PDE11A: variants seen among roughly 807,000 people sequenced by gnomAD.
The protein encoded by PDE11A is dual 3',5'-cyclic-AMP and -GMP phosphodiesterase 11A.
Under a neutral mutation model 100.5 loss-of-function variants are expected in PDE11A, and 100 were observed. The observed-to-expected ratio is 1.00, with a 90% confidence interval of 0.85 to 1.18. The LOEUF (loss-of-function observed/expected upper bound fraction) is 1.18. Among genes scored for constraint, PDE11A ranks in the 50% most tolerant of loss-of-function variants. The probability of loss-of-function intolerance (pLI) is 0.00; values close to 1 mark genes in which losing one functional copy is unlikely to be tolerated. For synonymous variants in PDE11A, 381 were observed against 420.8 expected (o/e 0.91, Z 1.16); for missense variants, 1,141 against 1,152.6 (o/e 0.99, Z 0.15).
chr2:177,803,661 C>G (rs2105557131), intron 9 of PDE11A, among the ~76,000 whole-genome samples: 1 of 151,978 alleles, frequency 6.6e-6, no homozygotes, highest in Admixed American at 6.6e-5. Context: ...TGCAAATCAA[C>G]AAGTGTGATA....
chr2:178,046,552 G>A (rs1167688328), intron 1 of PDE11A, among the ~76,000 whole-genome samples: 3 of 152,058 alleles, frequency 2.0e-5, no homozygotes, highest in South Asian at 4.2e-4. Context: ...TTGAAGAATT[G>A]GAGTCAGAAC....
intron 2 of PDE11A, among the ~76,000 whole-genome samples, chr2:177,941,789 C>T (rs1265288259): frequency 6.6e-6 from 1 of 152,218 alleles, no homozygotes; most frequent in Non-Finnish European, 1.5e-5. Context: ...GATGCAGGGA[C>T]AGAACGTGGA....
intron 7 of PDE11A, among the ~76,000 whole-genome samples, chr2:177,818,236 A>G (rs2083075433): frequency 6.6e-6 from 1 of 151,668 alleles, no homozygotes; most frequent in South Asian, 2.1e-4. Flanking sequence ...AACTGAGTAT[A>G]TATGTAGCTG....
chr2:178,018,930 A>T (rs1179754361), intron 1 of PDE11A, among the ~76,000 whole-genome samples: 1 of 152,206 alleles, frequency 6.6e-6, no homozygotes, highest in Non-Finnish European at 1.5e-5. Flanking sequence ...TGGTGAGTTA[A>T]TGAGATTTCT....
chr2:177,698,344 T>A (rs1311310714), intron 14 of PDE11A: 1 of 66,866 alleles, frequency 1.5e-5, no homozygotes, highest in African/African-American at 2.8e-5. Flanking sequence ...AAAATATTTG[T>A]CTTTAGTAAA....
chr2:177,785,745 G>T (rs2082525783), intron 9 of PDE11A, among the ~76,000 whole-genome samples: 1 of 152,216 alleles, frequency 6.6e-6, no homozygotes, highest in Admixed American at 6.5e-5. Flanking sequence ...TCCCACACAT[G>T]GCTCGGAGGG....
At chr2:178,046,209 T>TG (rs1220696294) in intron 1 of PDE11A, among the ~76,000 whole-genome samples, 3 of 152,086 alleles carry the variant, frequency 2.0e-5, no homozygotes, top group Non-Finnish European at 4.4e-5. Flanking sequence ...TTAATTTTTT[T>TG]GGGGGGGTTG....
intron 2 of PDE11A, among the ~76,000 whole-genome samples, chr2:177,931,911 C>CAAAAAAAAAAAAAAAA (rs71410773): frequency 2.5e-5 from 2 of 80,248 alleles, no homozygotes; most frequent in African/African-American, 4.3e-5. Flanking sequence ...GCTAGATTAA[C>CAAAAAAAAAAAAAAAA]AAAAAAAAAA....
In PDE11A at chr2:177,981,020, A is replaced by G. The variant is rs906868084; in HGVS notation, c.1071+33282T>C. Among the ~76,000 whole-genome samples, 30 of 138,376 alleles carry G rather than the reference A, an allele frequency of 2.2e-4. 2 individuals are homozygous for G. The highest frequency in any genetic ancestry group is 7.0e-4 in the African/African-American group (27 of 38,446). 90.8% of individuals were successfully genotyped at this position (138,376 alleles called of 152,430 possible). A position where few individuals can be genotyped will look rare whatever the true frequency, so the allele number is the denominator to read the frequency against. On this transcript the variant is annotated intron_variant, in intron 2 of 19. Coordinates refer to ENST00000286063, the MANE Select transcript of PDE11A (RefSeq NM_016953.4). The stretch of plus-strand genomic sequence containing the variant: ...CACACACACACACACACACACACAC[A>G]GCAGAAGGTAGAGTTAAACCAATCT...
rs556343204 is a variant in PDE11A at position 177,817,025 on chromosome 2, G to T, written c.1645-104C>A. 3.1e-4 allele frequency: 232 copies of T among 748,904 alleles called. 1 individual carries two copies. In the African/African-American group the frequency reaches 3.8e-3, roughly 12 times the overall value. The allele number at this position is 748,904 out of a possible 1,614,324, so 46.4% of individuals were successfully genotyped here. ...GGGATGGGTCTGAAAATACAATCTT[G>T]TTGTACACAGAGGTAGGCCTTGGGG... On this transcript the variant is annotated intron_variant, in intron 8 of 19. Coordinates refer to ENST00000286063, the MANE Select transcript of PDE11A (RefSeq NM_016953.4).
At chr2:177,996,432 A>G (rs1476681916) in intron 2 of PDE11A, among the ~76,000 whole-genome samples, 2 of 150,764 alleles carry the variant, frequency 1.3e-5, no homozygotes, top group Non-Finnish European at 2.9e-5. Context: ...AAAGTGATTT[A>G]TGTCGTGTAG....
intron 2 of PDE11A, among the ~76,000 whole-genome samples, chr2:177,972,159 TGA>T (rs2085779601): frequency 1.3e-5 from 2 of 152,004 alleles, no homozygotes; most frequent in Admixed American, 6.6e-5. Flanking sequence ...GACAATGTCA[TGA>T]AAAGGAAAAA....
intron 5 of PDE11A, among the ~76,000 whole-genome samples, chr2:177,845,282 T>G (rs2083568553): frequency 1.5e-5 from 2 of 136,414 alleles, no homozygotes; most frequent in East Asian, 2.3e-4. Context: ...GACGGGGCGG[T>G]TGCCAGGCAG....
intron 5 of PDE11A, among the ~76,000 whole-genome samples, chr2:177,850,638 T>G (rs2083684719): frequency 6.6e-6 from 1 of 152,236 alleles, no homozygotes; most frequent in African/African-American, 2.4e-5. Flanking sequence ...TCTACTCATC[T>G]GACAAAGGGC....
intron 9 of PDE11A, among the ~76,000 whole-genome samples, chr2:177,770,017 A>T (rs6727390): frequency 1.3e-5 from 2 of 152,092 alleles, no homozygotes; most frequent in African/African-American, 4.8e-5. Context: ...ATCTGTAGCA[A>T]ACACTGTAGG....
At chr2:177,775,336 T>A (rs937990044) in intron 9 of PDE11A, among the ~76,000 whole-genome samples, 3 of 152,164 alleles carry the variant, frequency 2.0e-5, no homozygotes, top group African/African-American at 7.2e-5. Context: ...TGCCACTCCA[T>A]CCAATCAATT....
intron 10 of PDE11A, among the ~76,000 whole-genome samples, chr2:177,739,641 C>CA (rs1249237567): frequency 6.6e-6 from 1 of 152,322 alleles, no homozygotes; most frequent in African/African-American, 2.4e-5. Flanking sequence ...GTCTCTTTGT[C>CA]ACTTCTGAAA....
chr2:177,845,363 C>A (rs1188597997), intron 5 of PDE11A, among the ~76,000 whole-genome samples: 4 of 150,240 alleles, frequency 2.7e-5, no homozygotes, highest in African/African-American at 7.4e-5. Context: ...GGGTCTCGGC[C>A]GGGCAGAGGC....
At chr2:178,011,326 G>A (rs772295455) in intron 2 of PDE11A, among the ~76,000 whole-genome samples, 1 of 152,182 alleles carries the variant, frequency 6.6e-6, no homozygotes, top group Non-Finnish European at 1.5e-5. Flanking sequence ...TTGCTACAGA[G>A]ACTGTGATTT....
Sources: allele counts gnomAD v4.1 joint callset (sites outside exome capture counted in the v4.1 genomes callset), GRCh38; gene constraint gnomAD v4.1.1; transcripts MANE v1.5; gene names NCBI Gene and HGNC (gene_info 2026-07-23, HGNC 2026-07-21).